Variants in ZNRF1 observed in about 807,000 individuals in gnomAD.
The protein encoded by ZNRF1 is zinc and ring finger 1.
ZNRF1 carries 3 observed loss-of-function variants against 18.4 expected under a neutral mutation model. That is an observed-to-expected ratio of 0.16 (90% CI 0.07 to 0.42). ZNRF1 has a LOEUF of 0.42. Among genes scored for constraint, ZNRF1 ranks in the 10% least tolerant of loss-of-function variants. The pLI is 0.99. For synonymous variants in ZNRF1, 157 were observed against 144.2 expected (o/e 1.09, Z -0.64); for missense variants, 310 against 329.8 (o/e 0.94, Z 0.47).
chr16:75,054,355 C>G (rs2035643551), intron 1 of ZNRF1, among the ~76,000 whole-genome samples: 2 of 152,224 alleles, frequency 1.3e-5, no homozygotes, highest in African/African-American at 4.8e-5. Context: ...AGGCGTGGCC[C>G]TGCTGGGAGA....
Position 75,010,787 on chromosome 16 carries a change from T to G in ZNRF1, c.424+10692T>G, listed in dbSNP as rs1005265615. On this transcript the variant is annotated intron_variant, in intron 1 of 4. Transcript: ENST00000335325. ...GTGCAGTGGCATGATCTCCACTCAC[T>G]GCAACCTCTGCCTCCTGGGCTCAAG... is the stretch of plus-strand genomic sequence containing the variant. Among the ~76,000 whole-genome samples, 7 of 141,684 alleles carry G rather than the reference T, an allele frequency of 4.9e-5. No individual in the cohort carries two copies. The East Asian group carries it at 1.4e-3, about 29-fold the overall frequency. 93.0% of individuals were successfully genotyped at this position (141,684 alleles called of 152,430 possible). A position where few individuals can be genotyped will look rare whatever the true frequency, so the allele number is the denominator to read the frequency against.
intron 1 of ZNRF1, among the ~76,000 whole-genome samples, chr16:75,073,083 G>A (rs2035890149): frequency 6.7e-6 from 1 of 150,370 alleles, no homozygotes; most frequent in Non-Finnish European, 1.5e-5. Context: ...GAGCCCAAGA[G>A]TTGGAGACCA....
chr16:75,023,307 A>AC (rs1203046212), intron 1 of ZNRF1, among the ~76,000 whole-genome samples: 4 of 151,968 alleles, frequency 2.6e-5, no homozygotes, highest in South Asian at 2.1e-4. Context: ...CCCCTACCTT[A>AC]CCCCCCACAT....
intron 1 of ZNRF1, among the ~76,000 whole-genome samples, chr16:75,029,228 G>A (rs1388697006): frequency 6.6e-6 from 1 of 152,012 alleles, no homozygotes; most frequent in Non-Finnish European, 1.5e-5. Context: ...CTCACTGCAA[G>A]CTCCACCTTC....
chr16:75,000,459 C>T, intron 1 of ZNRF1: 1 of 424,310 alleles, frequency 2.4e-6, no homozygotes, highest in Non-Finnish European at 4.6e-6. Flanking sequence ...GCCTGCCTCA[C>T]CGGTAACGGA....
At chr16:75,062,076 T>C (rs1195151452) in intron 1 of ZNRF1, among the ~76,000 whole-genome samples, 7 of 152,252 alleles carry the variant, frequency 4.6e-5, no homozygotes, top group African/African-American at 1.2e-4. Flanking sequence ...CTCGTTGTTA[T>C]GCTACGAGAT....
chr16:75,009,643 G>A (rs2034968654), intron 1 of ZNRF1, among the ~76,000 whole-genome samples: 1 of 152,104 alleles, frequency 6.6e-6, no homozygotes, highest in Non-Finnish European at 1.5e-5. Context: ...CTCCTTTTGA[G>A]AATATACCCA....
intron 2 of ZNRF1, chr16:75,104,039 C>T (rs9938411): frequency 0.74 from 113,216 of 152,164 alleles, 44,204 homozygotes; most frequent in Non-Finnish European, 0.87. Context: ...TAAGCAGTCA[C>T]TCCCCATATC....
rs576346377 is a variant in ZNRF1 at position 75,024,801 on chromosome 16, G to A, written c.424+24706G>A. Among the ~76,000 whole-genome samples, 3 of 152,300 alleles carry A rather than the reference G, an allele frequency of 2.0e-5. No individual in the cohort carries two copies. The South Asian group carries it at 6.2e-4, about 32-fold the overall frequency. On this transcript the variant is annotated intron_variant, in intron 1 of 4. Transcript: ENST00000335325. ...TAAGCAAATCTTTTAAGAAACAAAA[G>A]TTCTTCCTGCTTCTTTCGTGGTCAC...
At chr16:75,058,596 C>T (rs1362087639) in intron 1 of ZNRF1, among the ~76,000 whole-genome samples, 1 of 152,180 alleles carries the variant, frequency 6.6e-6, no homozygotes, top group African/African-American at 2.4e-5. Context: ...AAAGAGGAAT[C>T]ATAGCCCTAC....
chr16:75,049,322 G>C (rs1008402557), intron 1 of ZNRF1, among the ~76,000 whole-genome samples: 5 of 151,800 alleles, frequency 3.3e-5, no homozygotes, highest in African/African-American at 1.2e-4. Context: ...TTTTTTTTAT[G>C]TCTTTAATCT....
intron 1 of ZNRF1, among the ~76,000 whole-genome samples, chr16:75,092,244 T>C (rs1051447449): frequency 6.6e-6 from 1 of 152,210 alleles, no homozygotes; most frequent in African/African-American, 2.4e-5. Context: ...TTCATCGTGT[T>C]CACATTGAGT....
At chr16:75,075,266 G>A (rs958758748) in intron 1 of ZNRF1, among the ~76,000 whole-genome samples, 5 of 152,340 alleles carry the variant, frequency 3.3e-5, no homozygotes, top group East Asian at 1.9e-4. Context: ...GGTGGCAGCC[G>A]AAGTAGCTCC....
intron 1 of ZNRF1, among the ~76,000 whole-genome samples, chr16:75,032,545 C>G (rs911456315): frequency 6.6e-6 from 1 of 151,674 alleles, no homozygotes; most frequent in Non-Finnish European, 1.5e-5. Flanking sequence ...AAAAAACAAA[C>G]AAACAACAAC....
rs576473896 is a variant in ZNRF1 at position 75,098,803 on chromosome 16, C to T, written c.520+5136C>T. ...ATGTTCCTGTGCTCAGCTGCTGCCT[C>T]GGAGCTGCACGGGCTTTCCCTCCCA... On this transcript the variant is annotated intron_variant, in intron 2 of 4. Transcript: ENST00000335325. Among the ~76,000 whole-genome samples, 4 of 152,366 alleles carry T rather than the reference C, an allele frequency of 2.6e-5. No homozygotes were observed. The East Asian group carries it at 5.8e-4, about 22-fold the overall frequency.
At chr16:75,061,076 C>T (rs1234417895) in intron 1 of ZNRF1, among the ~76,000 whole-genome samples, 1 of 152,122 alleles carries the variant, frequency 6.6e-6, no homozygotes. Context: ...TGTTTTGATA[C>T]AGGCATTCAG....
chr16:75,088,446 G>GA (rs1361471405), intron 1 of ZNRF1, among the ~76,000 whole-genome samples: 4 of 151,966 alleles, frequency 2.6e-5, no homozygotes, highest in African/African-American at 9.7e-5. Flanking sequence ...GAGTTCCTAG[G>GA]AAAAAAAAGT....
At chr16:75,037,004 G>T (rs2035384396) in intron 1 of ZNRF1, among the ~76,000 whole-genome samples, 2 of 152,158 alleles carry the variant, frequency 1.3e-5, no homozygotes, top group South Asian at 4.1e-4. Context: ...CAGGCACTTG[G>T]TTAGTACTTT....
intron 1 of ZNRF1, among the ~76,000 whole-genome samples, chr16:75,021,231 C>G (rs376984445): frequency 3.3e-5 from 5 of 151,814 alleles, no homozygotes; most frequent in East Asian, 2.0e-4. Context: ...AGTAGAGACT[C>G]TTTCACCACG....
Sources: gnomAD v4.1 joint callset for allele counts (sites outside exome capture counted in the v4.1 genomes callset) on GRCh38, gnomAD v4.1.1 for gene constraint, MANE v1.5 for transcripts, NCBI Gene and HGNC (gene_info 2026-07-23, HGNC 2026-07-21) for gene names.